MACROD2: variants seen among roughly 807,000 people sequenced by gnomAD.
The protein encoded by MACROD2 is ADP-ribose glycohydrolase MACROD2.
In MACROD2, 36 loss-of-function variants were observed where a neutral mutation model predicts 70.4. The ratio of observed to expected loss-of-function variants is 0.51; its 90% confidence interval spans 0.39 to 0.68. The LOEUF is 0.68. Among genes scored for constraint, MACROD2 ranks in the 30% least tolerant of loss-of-function variants. The pLI is 0.00. For missense variants in MACROD2, 496 were observed against 538.4 expected (o/e 0.92, Z 0.78); for synonymous variants, 172 against 178.8 (o/e 0.96, Z 0.30).
At position 14,993,988 on chromosome 20, in the gene MACROD2, A is replaced by C. The variant is rs192376193; in HGVS notation, c.419-235952A>C. On this transcript the variant is annotated intron_variant, in intron 5 of 17. Coordinates refer to ENST00000684519, the MANE Select transcript of MACROD2 (RefSeq NM_001351661.2). ...TGCACACAAACTTTTAGAAAAATGA[A>C]ACTATCTCTTGTTGAATCTTCAAGA... 1.6e-4 allele frequency among the ~76,000 whole-genome samples: 25 copies of C among 152,302 alleles called. No individual in the cohort carries two copies. In the East Asian group the frequency reaches 4.6e-3, roughly 28 times the overall value.
At chr20:14,095,792 A>G (rs569606410) in intron 3 of MACROD2, among the ~76,000 whole-genome samples, 1 of 152,318 alleles carries the variant, frequency 6.6e-6, no homozygotes, top group African/African-American at 2.4e-5. Context: ...ATCTTGTTTG[A>G]ATTGACTATA....
At position 16,031,013 on chromosome 20, in the gene MACROD2, A is replaced by T. The variant is rs1294640550; in HGVS notation, c.1154-10188A>T. On this transcript the variant is annotated intron_variant, in intron 15 of 17. Transcript: ENST00000684519. ...TATACTGGCACATGACATGTCACTTAAAAATACCTAAAACTTTTAGAAGAA... is the reference window on the plus strand; with the variant it reads ...TATACTGGCACATGACATGTCACTTTAAAATACCTAAAACTTTTAGAAGAA... Among the ~76,000 whole-genome samples, 8 of 152,290 alleles carry T rather than the reference A, an allele frequency of 5.3e-5. No individual in the cohort carries two copies. In the South Asian group the frequency reaches 8.3e-4, roughly 16 times the overall value.
chr20:14,810,265 G>A (rs2122170926), intron 5 of MACROD2, among the ~76,000 whole-genome samples: 1 of 152,110 alleles, frequency 6.6e-6, no homozygotes, highest in East Asian at 1.9e-4. Context: ...TTCATCCCTG[G>A]GATGCAAGGC....
intron 8 of MACROD2, among the ~76,000 whole-genome samples, chr20:15,817,269 A>T (rs1297024148): frequency 6.6e-6 from 1 of 152,232 alleles, no homozygotes; most frequent in East Asian, 1.9e-4. Flanking sequence ...ACTCATCCCA[A>T]TAATAAGTGA....
At chr20:15,164,858 G>A (rs936303660) in intron 5 of MACROD2, among the ~76,000 whole-genome samples, 9 of 152,044 alleles carry the variant, frequency 5.9e-5, no homozygotes, top group African/African-American at 1.9e-4. Flanking sequence ...CTGTGGTCAG[G>A]CCACTACACT....
intron 6 of MACROD2, among the ~76,000 whole-genome samples, chr20:15,383,619 G>A (rs1287750985): frequency 6.6e-6 from 1 of 152,160 alleles, no homozygotes; most frequent in Admixed American, 6.5e-5. Flanking sequence ...TCAAACAATT[G>A]CATTTCCTTC....
At chr20:14,584,359 T>C (rs955772484) in intron 4 of MACROD2, among the ~76,000 whole-genome samples, 4 of 152,214 alleles carry the variant, frequency 2.6e-5, no homozygotes, top group Non-Finnish European at 4.4e-5. Context: ...TTAGGGTTGC[T>C]ATAATAAATA....
intron 3 of MACROD2, among the ~76,000 whole-genome samples, chr20:14,414,005 G>A (rs183353696): frequency 1.1e-4 from 16 of 152,268 alleles, no homozygotes; most frequent in Non-Finnish European, 2.2e-4. Flanking sequence ...TCATGCAGAT[G>A]ACACTAACCA....
At chr20:15,790,726 GA>G (rs906177278) in intron 8 of MACROD2, among the ~76,000 whole-genome samples, 42 of 151,622 alleles carry the variant, frequency 2.8e-4, no homozygotes, top group African/African-American at 1.0e-3. Context: ...AATCTTTTTA[GA>G]AAAAAAATTA....
At chr20:15,330,616 G>C (rs2077981745) in intron 6 of MACROD2, among the ~76,000 whole-genome samples, 1 of 151,562 alleles carries the variant, frequency 6.6e-6, no homozygotes, top group South Asian at 2.1e-4. Context: ...ACTGATGTTA[G>C]ATGATCACAG....
chr20:15,310,534 G>A (rs2077740798), intron 6 of MACROD2, among the ~76,000 whole-genome samples: 1 of 152,106 alleles, frequency 6.6e-6, no homozygotes, highest in Non-Finnish European at 1.5e-5. Context: ...TAGTAAAAAA[G>A]AGAATGATGC....
intron 3 of MACROD2, among the ~76,000 whole-genome samples, chr20:14,458,314 A>C (rs1212846549): frequency 6.6e-6 from 1 of 152,170 alleles, no homozygotes; most frequent in Admixed American, 6.5e-5. Context: ...AGATGATATA[A>C]TGTTAATTTT....
intron 6 of MACROD2, among the ~76,000 whole-genome samples, chr20:15,280,422 G>A (rs1005654196): frequency 4.6e-5 from 7 of 152,204 alleles, no homozygotes; most frequent in African/African-American, 1.7e-4. Context: ...TTGGAATTAT[G>A]CATGATTTTT....
chr20:16,039,290 AT>A (rs1317332863), intron 15 of MACROD2, among the ~76,000 whole-genome samples: 1 of 151,948 alleles, frequency 6.6e-6, no homozygotes, highest in Non-Finnish European at 1.5e-5. Flanking sequence ...TTTAATTTGC[AT>A]TCCTTTTGTT....
intron 8 of MACROD2, among the ~76,000 whole-genome samples, chr20:15,768,264 T>G (rs1326025752): frequency 6.6e-6 from 1 of 152,098 alleles, no homozygotes; most frequent in Non-Finnish European, 1.5e-5. Context: ...AACCTAAATG[T>G]TATAGCCTAT....
chr20:15,105,478 C>T (rs1293324054), intron 5 of MACROD2, among the ~76,000 whole-genome samples: 5 of 152,030 alleles, frequency 3.3e-5, no homozygotes, highest in African/African-American at 7.2e-5. Flanking sequence ...AATATGGGGC[C>T]TAACAGTGGA....
At chr20:14,019,429 C>T (rs1389089212) in intron 2 of MACROD2, among the ~76,000 whole-genome samples, 1 of 152,020 alleles carries the variant, frequency 6.6e-6, no homozygotes, top group African/African-American at 2.4e-5. Flanking sequence ...GCCACCATGC[C>T]CGGCTAATTT....
At chr20:14,272,633 C>G (rs1202401352) in intron 3 of MACROD2, among the ~76,000 whole-genome samples, 2 of 151,120 alleles carry the variant, frequency 1.3e-5, no homozygotes, top group East Asian at 3.9e-4. Context: ...GGATCAAATT[C>G]ACACATAACA....
At chr20:14,659,141 A>G (rs1222530797) in intron 4 of MACROD2, among the ~76,000 whole-genome samples, 1 of 152,158 alleles carries the variant, frequency 6.6e-6, no homozygotes, top group African/African-American at 2.4e-5. Flanking sequence ...CCTTACAATA[A>G]CTAGCCTTTT....
Sources: gnomAD v4.1 joint callset for allele counts (sites outside exome capture counted in the v4.1 genomes callset) on GRCh38, gnomAD v4.1.1 for gene constraint, MANE v1.5 for transcripts, NCBI Gene and HGNC (gene_info 2026-07-23, HGNC 2026-07-21) for gene names.